The following RIN2 variants were observed in gnomAD, a reference collection of about 807,000 sequenced individuals.
RIN2 encodes Ras and Rab interactor 2.
RIN2 carries 36 observed loss-of-function variants against 78.0 expected under a neutral mutation model. The ratio of observed to expected loss-of-function variants is 0.46; its 90% CI spans 0.35 to 0.61. The LOEUF (loss-of-function observed/expected upper bound fraction) is 0.61. Ranked by LOEUF, RIN2 falls within the 20% of genes least tolerant of loss-of-function variation. RIN2 has a pLI of 0.00. For missense variants in RIN2, 1,087 were observed against 1,159.7 expected, an observed-to-expected ratio of 0.94 and a Z score of 0.91; for synonymous variants, 466 against 466.8, an observed-to-expected ratio of 1.00 and a Z score of 0.02.
At chr20:19,901,058 G>A (rs955714166) in intron 3 of RIN2, among the ~76,000 whole-genome samples, 3 of 149,230 alleles carry the variant, frequency 2.0e-5, no homozygotes, top group Non-Finnish European at 3.0e-5. Context: ...TGATTCTGAT[G>A]TTCACCCAGG....
chr20:19,868,095 G>T (rs1390624610), intron 2 of RIN2, among the ~76,000 whole-genome samples: 2 of 152,242 alleles, frequency 1.3e-5, no homozygotes, highest in African/African-American at 4.8e-5. Context: ...AAGGAGGCCT[G>T]TGAGTGTGGC....
chr20:20,001,201 C>A lies in RIN2; in HGVS notation c.*265C>A, dbSNP rs1318753664. ...CCTGAGATTGTTTGCTACCTACCCC[C>A]AGTCAGGTTCTAGGTTGGCTTACAG... On this transcript the variant is annotated 3_prime_UTR_variant, in exon 13 of 13. Transcript: ENST00000255006. The A allele has an allele frequency of 8.7e-6, 4 of 457,828 alleles. No individual in the cohort carries two copies. Among genetic ancestry groups the A allele is most frequent in the Non-Finnish European group, 1.6e-5 (4 of 253,312 alleles). 28.4% of individuals were successfully genotyped at this position (457,828 alleles called of 1,614,324 possible). A position where few individuals can be genotyped will look rare whatever the true frequency, so the allele number is the denominator to read the frequency against.
intron 3 of RIN2, among the ~76,000 whole-genome samples, chr20:19,925,061 C>T (rs979980465): frequency 2.7e-5 from 4 of 150,110 alleles, no homozygotes; most frequent in Non-Finnish European, 5.9e-5. Flanking sequence ...TTGTGCTCCT[C>T]CTCTCACCAC....
Position 19,906,549 on chromosome 20 carries a change from G to A in RIN2, c.57+16891G>A, listed in dbSNP as rs79904275. 2.6e-5 allele frequency among the ~76,000 whole-genome samples: 4 copies of A among 152,138 alleles called. No individual in the cohort carries two copies. In the East Asian group the frequency reaches 7.7e-4, roughly 29 times the overall value. On this transcript the variant is annotated intron_variant, in intron 3 of 12. Coordinates refer to ENST00000255006, the MANE Select transcript of RIN2 (RefSeq NM_018993.4). ...ATGTAGGCGAGTGAAGCCAACCCAGGCCAAAGTTGATAAATGGCAACTGAC... is the reference window on the plus strand; with the variant it reads ...ATGTAGGCGAGTGAAGCCAACCCAGACCAAAGTTGATAAATGGCAACTGAC...
intron 3 of RIN2, among the ~76,000 whole-genome samples, chr20:19,925,802 C>A (rs2040199556): frequency 1.3e-5 from 2 of 152,156 alleles, no homozygotes; most frequent in South Asian, 4.1e-4. Flanking sequence ...GCACAGCCAC[C>A]CGGGGAGCAA....
intron 3 of RIN2, among the ~76,000 whole-genome samples, chr20:19,913,609 T>C (rs1384540069): frequency 6.6e-6 from 1 of 152,228 alleles, no homozygotes; most frequent in Non-Finnish European, 1.5e-5. Context: ...CAACCCCTGG[T>C]AACTACCCTT....
intron 4 of RIN2, 121 bp from the exon 5 acceptor site, chr20:19,956,494 G>C: frequency 1.3e-6 from 1 of 793,106 alleles, no homozygotes; most frequent in Non-Finnish European, 2.1e-6. Context: ...ATGATTAAGG[G>C]GGCGATCACA....
At chr20:19,781,512 C>G (rs938954475) in intron 1 of RIN2, among the ~76,000 whole-genome samples, 1 of 152,190 alleles carries the variant, frequency 6.6e-6, no homozygotes, top group Non-Finnish European at 1.5e-5. Flanking sequence ...ACTGCAACCC[C>G]CGTCTTCTGG....
chr20:19,963,753 T>G (rs914535416), intron 6 of RIN2, among the ~76,000 whole-genome samples: 5 of 151,800 alleles, frequency 3.3e-5, no homozygotes, highest in African/African-American at 1.2e-4. Context: ...TGAGGTGGTG[T>G]GAGGGCTGGC....
At chr20:19,880,036 G>A (rs2037973100) in intron 2 of RIN2, among the ~76,000 whole-genome samples, 1 of 152,086 alleles carries the variant, frequency 6.6e-6, no homozygotes, top group Non-Finnish European at 1.5e-5. Context: ...ATCACTTGAG[G>A]CCAGGAGTTC....
chr20:19,782,487 C>A (rs757163032), intron 1 of RIN2, among the ~76,000 whole-genome samples: 2 of 151,370 alleles, frequency 1.3e-5, no homozygotes, highest in Non-Finnish European at 2.9e-5. Flanking sequence ...ATCACTTGAA[C>A]CTGGGAGGTG....
At chr20:19,961,478 G>A (rs190095197) in intron 6 of RIN2, among the ~76,000 whole-genome samples, 23 of 152,286 alleles carry the variant, frequency 1.5e-4, no homozygotes, top group Middle Eastern at 3.4e-3. Flanking sequence ...AGAAAGGATC[G>A]GAAGATGGAT....
chr20:19,961,608 G>A (rs1440968680), intron 6 of RIN2, among the ~76,000 whole-genome samples: 1 of 152,112 alleles, frequency 6.6e-6, no homozygotes, highest in Non-Finnish European at 1.5e-5. Flanking sequence ...TCCTGCATTT[G>A]GAGAAGCTGA....
At chr20:19,818,307 C>A (rs550637933) in intron 2 of RIN2, among the ~76,000 whole-genome samples, 49 of 152,294 alleles carry the variant, frequency 3.2e-4, no homozygotes, top group Admixed American at 6.5e-4. Flanking sequence ...CAAGGCACAA[C>A]TGTATTATAT....
At chr20:19,910,040 A>T (rs2039393910) in intron 3 of RIN2, among the ~76,000 whole-genome samples, 1 of 152,234 alleles carries the variant, frequency 6.6e-6, no homozygotes, top group African/African-American at 2.4e-5. Flanking sequence ...AACTTTTCAA[A>T]GAAGAGATTT....
intron 2 of RIN2, among the ~76,000 whole-genome samples, chr20:19,882,647 G>C (rs984555744): frequency 2.0e-5 from 3 of 152,176 alleles, no homozygotes; most frequent in African/African-American, 7.2e-5. Context: ...TGACACCTCT[G>C]CACTGTATTG....
chr20:19,845,829 T>G (rs1482141813), intron 2 of RIN2, among the ~76,000 whole-genome samples: 1 of 152,222 alleles, frequency 6.6e-6, no homozygotes, highest in Non-Finnish European at 1.5e-5. Context: ...TTGTATTGCC[T>G]AGGTTTTATT....
intron 2 of RIN2, among the ~76,000 whole-genome samples, chr20:19,851,540 C>A (rs2036981651): frequency 6.6e-6 from 1 of 152,056 alleles, no homozygotes; most frequent in Non-Finnish European, 1.5e-5. Context: ...GCCTGTGCAA[C>A]ATAACGAGAC....
chr20:19,890,873 G>A (rs2038427683), intron 3 of RIN2, among the ~76,000 whole-genome samples: 1 of 152,130 alleles, frequency 6.6e-6, no homozygotes, highest in Admixed American at 6.5e-5. Flanking sequence ...TTTCAAGGTG[G>A]AGAACTAATT....
Sources: allele counts gnomAD v4.1 joint callset (sites outside exome capture counted in the v4.1 genomes callset), GRCh38; gene constraint gnomAD v4.1.1; transcripts MANE v1.5; gene names NCBI Gene and HGNC (gene_info 2026-07-23, HGNC 2026-07-21).